SLCO1C1: variants seen among roughly 807,000 people sequenced by gnomAD.
SLCO1C1 encodes the protein OAT-RP-5.
Under a neutral mutation model 76.4 loss-of-function variants are expected in SLCO1C1, and 70 were observed. The observed-to-expected ratio is 0.92, with a 90% CI of 0.76 to 1.12. SLCO1C1 has a LOEUF of 1.12. SLCO1C1 is among the 50% of genes most tolerant of loss of function. SLCO1C1 has a pLI of 0.00. For synonymous variants in SLCO1C1, 306 were observed against 286.1 expected (o/e 1.07, Z -0.70); for missense variants, 912 against 823.8 (o/e 1.11, Z -1.31).
intron 8 of SLCO1C1, among the ~76,000 whole-genome samples, chr12:20,722,787 C>A (rs1947741647): frequency 6.6e-6 from 1 of 152,158 alleles, no homozygotes; most frequent in African/African-American, 2.4e-5. Flanking sequence ...TATTCTCATC[C>A]TTTTCGTCTT....
intron 9 of SLCO1C1, among the ~76,000 whole-genome samples, chr12:20,724,441 ATATATATATATGTG>A (rs1447524578): frequency 9.2e-5 from 10 of 108,582 alleles, no homozygotes; most frequent in Non-Finnish European, 1.5e-4. Flanking sequence ...ATATATATAT[ATATATATATATGTG>A]TGTGTGTGTG....
In SLCO1C1 at chr12:20,752,432, AACAAT is replaced by A. The variant is rs1413236697; in HGVS notation, c.2044_2048del (p.Thr682GlyfsTer14). ...GAAGTTTTATAACCAAGAGAGAAAGAACAATGGTGTCTACAAGATTCCAAAAGGAA... is the reference window on the plus strand; with the variant it reads ...GAAGTTTTATAACCAAGAGAGAAAGAGGTGTCTACAAGATTCCAAAAGGAA... On this transcript the variant is annotated frameshift_variant, in exon 15 of 15. Coordinates refer to ENST00000266509, the MANE Select transcript of SLCO1C1 (RefSeq NM_017435.5). LOFTEE classifies it high-confidence loss of function. The A allele has an allele frequency of 1.5e-5, 24 of 1,613,512 alleles. No individual in the cohort carries two copies. The highest frequency in any genetic ancestry group is 2.0e-5 in the Non-Finnish European group (24 of 1,179,718).
At chr12:20,702,024 T>C (rs1592219917) in intron 3 of SLCO1C1, among the ~76,000 whole-genome samples, 1 of 152,020 alleles carries the variant, frequency 6.6e-6, no homozygotes, top group South Asian at 2.1e-4. Context: ...GACTACAGAC[T>C]CCTTAGAAAT....
chr12:20,710,207 T>C (rs1262116164), intron 4 of SLCO1C1, among the ~76,000 whole-genome samples: 9 of 133,992 alleles, frequency 6.7e-5, no homozygotes, highest in African/African-American at 2.6e-4. Flanking sequence ...TTTCTTTTTT[T>C]TTTTTTTTTT....
chr12:20,747,439 A>C (rs1949100046), intron 13 of SLCO1C1, among the ~76,000 whole-genome samples: 1 of 152,034 alleles, frequency 6.6e-6, no homozygotes, highest in African/African-American at 2.4e-5. Context: ...AAAAAAAAAT[A>C]GAGTTCAGAA....
At chr12:20,748,055 C>T (rs576792461) in intron 13 of SLCO1C1, among the ~76,000 whole-genome samples, 1 of 152,222 alleles carries the variant, frequency 6.6e-6, no homozygotes, top group African/African-American at 2.4e-5. Flanking sequence ...ATTCTTGCAT[C>T]TTAAAAAATA....
intron 9 of SLCO1C1, among the ~76,000 whole-genome samples, chr12:20,731,134 T>C (rs528118213): frequency 2.0e-5 from 3 of 152,316 alleles, no homozygotes; most frequent in Non-Finnish European, 4.4e-5. Context: ...TTCCTTTGTA[T>C]CTGTGCCTGA....
chr12:20,737,694 T>C (rs1475290587), intron 11 of SLCO1C1, among the ~76,000 whole-genome samples: 1 of 152,134 alleles, frequency 6.6e-6, no homozygotes, highest in African/African-American at 2.4e-5. Context: ...CCAGAGATTC[T>C]AGACCTTGGG....
At chr12:20,701,215 A>T (rs1034365119) in intron 2 of SLCO1C1, 103 bp from the exon 3 acceptor site, 2 of 1,169,172 alleles carry the variant, frequency 1.7e-6, no homozygotes, top group Non-Finnish European at 2.3e-6. Context: ...GATATTATAC[A>T]TTGTTCTTTG....
At chr12:20,719,886 C>A (rs115210843) in intron 7 of SLCO1C1, among the ~76,000 whole-genome samples, 2,945 of 152,326 alleles carry the variant, frequency 0.019, 92 homozygotes, top group African/African-American at 0.068. Context: ...TGCTAAACAA[C>A]AGATTTTCAT....
intron 9 of SLCO1C1, among the ~76,000 whole-genome samples, chr12:20,731,948 C>T (rs144172480): frequency 2.7e-4 from 41 of 152,130 alleles, no homozygotes; most frequent in African/African-American, 8.9e-4. Flanking sequence ...TTATTAGCTC[C>T]GTATTATAGA....
chr12:20,729,266 C>G (rs1948164035), intron 9 of SLCO1C1, among the ~76,000 whole-genome samples: 1 of 152,084 alleles, frequency 6.6e-6, no homozygotes. Context: ...GAGAATCAAG[C>G]CAACGTTATA....
intron 9 of SLCO1C1, among the ~76,000 whole-genome samples, 193 bp from the exon 10 acceptor site, chr12:20,732,716 C>T (rs189329944): frequency 1.9e-3 from 285 of 152,170 alleles, no homozygotes; most frequent in African/African-American, 6.4e-3. Context: ...CTAGACAGAA[C>T]CTGAGACTGT....
chr12:20,700,004 T>G lies in SLCO1C1; in HGVS notation c.129+299T>G, dbSNP rs555221950. 12 of 213,190 alleles carry G rather than the reference T, an allele frequency of 5.6e-5. No individual in the cohort carries two copies. The East Asian group carries it at 1.2e-3, about 21-fold the overall frequency. 13.2% of individuals were successfully genotyped at this position (213,190 alleles called of 1,614,324 possible). A position where few individuals can be genotyped will look rare whatever the true frequency, so the allele number is the denominator to read the frequency against. ...CCAGATATTAAGCCAAGCACAGATA[T>G]AACATTTAATTTGTGAAACATCACA... On this transcript the variant is annotated intron_variant, in intron 2 of 14. Transcript: ENST00000266509.
chr12:20,732,849 T>C lies in SLCO1C1; in HGVS notation c.1187-60T>C, dbSNP rs1948354357. The C allele has an allele frequency of 2.6e-6, 4 of 1,564,558 alleles. No homozygotes were observed. In the Admixed American group the frequency reaches 5.2e-5, roughly 20 times the overall value. On this transcript the variant is annotated intron_variant, in intron 9 of 14. Transcript: ENST00000266509. ...CAAAATAGTCTTTAGAAAGTTTGTG[T>C]TAGTACACTCAAATCTTTTTTAGAG...
At chr12:20,747,585 C>T (rs373169679) in intron 13 of SLCO1C1, among the ~76,000 whole-genome samples, 372 of 147,340 alleles carry the variant, frequency 2.5e-3, no homozygotes, top group African/African-American at 8.3e-3. Context: ...TCTTAAACCA[C>T]GTACAGAAAA....
chr12:20,740,780 A>AC (rs1948765258), intron 12 of SLCO1C1, among the ~76,000 whole-genome samples: 1 of 25,058 alleles, frequency 4.0e-5, no homozygotes, highest in Non-Finnish European at 9.4e-5. Context: ...GTTAGAATTT[A>AC]TTTTATTTAT....
chr12:20,703,212 T>G (rs1946605823), intron 3 of SLCO1C1, among the ~76,000 whole-genome samples: 2 of 151,882 alleles, frequency 1.3e-5, no homozygotes, highest in African/African-American at 4.8e-5. Context: ...TTACTTCTTT[T>G]GCCTCTTTTT....
intron 13 of SLCO1C1, among the ~76,000 whole-genome samples, chr12:20,745,413 TAATATC>T (rs1278714013): frequency 6.6e-6 from 1 of 152,194 alleles, no homozygotes; most frequent in Non-Finnish European, 1.5e-5. Flanking sequence ...TTATTAGTAC[TAATATC>T]AATATTTTTA....
Sources: gnomAD v4.1 joint callset for allele counts (sites outside exome capture counted in the v4.1 genomes callset) on GRCh38, gnomAD v4.1.1 for gene constraint, MANE v1.5 for transcripts, NCBI Gene and HGNC (gene_info 2026-07-23, HGNC 2026-07-21) for gene names.